The following MAML2 variants were observed in gnomAD, a reference collection of about 807,000 sequenced individuals.
MAML2 encodes mastermind like transcriptional coactivator 2, also known as mastermind-like protein 2.
In MAML2, 22 loss-of-function variants were observed where a neutral mutation model predicts 96.1. The observed-to-expected ratio is 0.23, with a 90% CI of 0.16 to 0.33. MAML2 has a LOEUF of 0.33. MAML2 is among the 10% of genes least tolerant of loss of function. The pLI, the probability that MAML2 is intolerant of heterozygous loss-of-function variation, is 1.00. For synonymous variants in MAML2, 561 were observed against 521.3 expected (o/e 1.08, Z -1.04); for missense variants, 1,367 against 1,392.4 (o/e 0.98, Z 0.29).
chr11:96,169,785 G>C (rs1458545551), intron 1 of MAML2, among the ~76,000 whole-genome samples: 1 of 151,920 alleles, frequency 6.6e-6, no homozygotes, highest in Non-Finnish European at 1.5e-5. Context: ...CTCCTGAGTA[G>C]CTGGGACTAC....
In MAML2 at chr11:96,342,640, C is replaced by T. The variant is rs1016733803; in HGVS notation, c.-745G>A. ...CTCCCAAAAGAGGGAGACAGCTTTT[C>T]AACTGTTAACAATGTCAGTAATTGG... On this transcript the variant is annotated 5_prime_UTR_variant, in exon 1 of 5. Transcript: ENST00000524717. 2.1e-5 allele frequency: 8 copies of T among 384,866 alleles called. No individual in the cohort carries two copies. Among genetic ancestry groups the T allele is most frequent in the Non-Finnish European group, 3.2e-5 (7 of 218,094 alleles). 23.8% of individuals were successfully genotyped at this position (384,866 alleles called of 1,614,324 possible). A position where few individuals can be genotyped will look rare whatever the true frequency, so the allele number is the denominator to read the frequency against.
intron 1 of MAML2, among the ~76,000 whole-genome samples, chr11:96,226,399 T>A (rs2135950929): frequency 6.6e-6 from 1 of 152,294 alleles, no homozygotes; most frequent in South Asian, 2.1e-4. Flanking sequence ...CTCTCACACA[T>A]AAGAGCAATC....
intron 1 of MAML2, among the ~76,000 whole-genome samples, chr11:96,217,886 A>C (rs538102698): frequency 6.6e-6 from 1 of 152,344 alleles, no homozygotes; most frequent in South Asian, 2.1e-4. Flanking sequence ...CGACAATTTT[A>C]GTGATTATGA....
chr11:96,246,156 A>T (rs937063199), intron 1 of MAML2, among the ~76,000 whole-genome samples: 1 of 152,126 alleles, frequency 6.6e-6, no homozygotes, highest in African/African-American at 2.4e-5. Context: ...AGGTAAATAC[A>T]TCCTAAGAAC....
At chr11:96,016,183 G>A (rs1858349488) in intron 2 of MAML2, among the ~76,000 whole-genome samples, 1 of 141,320 alleles carries the variant, frequency 7.1e-6, no homozygotes, top group African/African-American at 2.6e-5. Flanking sequence ...TTGGTTCAGT[G>A]AACTGTCCTC....
chr11:96,159,230 G>A (rs1861058832), intron 1 of MAML2, among the ~76,000 whole-genome samples: 1 of 152,082 alleles, frequency 6.6e-6, no homozygotes, highest in South Asian at 2.1e-4. Context: ...TTTCTAAAAT[G>A]TAAAGCTTAC....
intron 2 of MAML2, among the ~76,000 whole-genome samples, chr11:96,032,939 T>A (rs996417114): frequency 6.6e-6 from 1 of 152,192 alleles, no homozygotes; most frequent in Non-Finnish European, 1.5e-5. Flanking sequence ...AAAATTCTAT[T>A]AATAGATTGT....
intron 2 of MAML2, among the ~76,000 whole-genome samples, chr11:96,061,238 C>G (rs985907745): frequency 1.3e-5 from 2 of 152,142 alleles, no homozygotes; most frequent in African/African-American, 4.8e-5. Context: ...AGCAAAATGA[C>G]AGTTATTCTT....
intron 1 of MAML2, among the ~76,000 whole-genome samples, chr11:96,286,591 T>G (rs1275005870): frequency 6.6e-6 from 1 of 151,914 alleles, no homozygotes; most frequent in Non-Finnish European, 1.5e-5. Flanking sequence ...ATATAGTGGG[T>G]TTTCAATAAA....
chr11:96,252,485 G>C (rs192274797), intron 1 of MAML2, among the ~76,000 whole-genome samples: 1 of 146,798 alleles, frequency 6.8e-6, no homozygotes, highest in Non-Finnish European at 1.5e-5. Flanking sequence ...GAGTGCAGTG[G>C]AGCGATCTCT....
chr11:96,218,696 A>G (rs1862086144), intron 1 of MAML2, among the ~76,000 whole-genome samples: 1 of 152,174 alleles, frequency 6.6e-6, no homozygotes, highest in Non-Finnish European at 1.5e-5. Flanking sequence ...GTATGCCAAA[A>G]AATTCAAATC....
chr11:96,020,672 C>A (rs1285738710), intron 2 of MAML2, among the ~76,000 whole-genome samples: 1 of 152,168 alleles, frequency 6.6e-6, no homozygotes. Flanking sequence ...CTACTGTGAG[C>A]TAAGGTGGTA....
chr11:96,249,029 T>C (rs1170363271), intron 1 of MAML2, among the ~76,000 whole-genome samples: 1 of 152,230 alleles, frequency 6.6e-6, no homozygotes, highest in Non-Finnish European at 1.5e-5. Flanking sequence ...AGAGCCAGTT[T>C]ACCAGGACAC....
chr11:96,279,005 A>G (rs1723952747), intron 1 of MAML2, among the ~76,000 whole-genome samples: 1 of 152,280 alleles, frequency 6.6e-6, no homozygotes, highest in South Asian at 2.1e-4. Flanking sequence ...ACAATGTAGG[A>G]ACTGGGTGAT....
intron 1 of MAML2, among the ~76,000 whole-genome samples, chr11:96,275,745 AT>A (rs1862980382): frequency 6.6e-6 from 1 of 152,224 alleles, no homozygotes; most frequent in African/African-American, 2.4e-5. Flanking sequence ...ATAATAGCAC[AT>A]ATAAAAATAT....
intron 2 of MAML2, among the ~76,000 whole-genome samples, chr11:96,029,163 G>A (rs1383845804): frequency 1.1e-5 from 1 of 88,438 alleles, no homozygotes; most frequent in Admixed American, 1.0e-4. Context: ...AGAGTGAAAC[G>A]GTTTTTTTTT....
chr11:95,990,477 C>T (rs562348834), intron 3 of MAML2, among the ~76,000 whole-genome samples: 1 of 152,290 alleles, frequency 6.6e-6, no homozygotes, highest in African/African-American at 2.4e-5. Flanking sequence ...TCTTACTCCA[C>T]TTTCAGATAT....
intron 2 of MAML2, among the ~76,000 whole-genome samples, chr11:96,046,352 G>T (rs183953277): frequency 1.9e-4 from 28 of 149,196 alleles, no homozygotes; most frequent in African/African-American, 5.7e-4. Flanking sequence ...TTTGTTGTTG[G>T]TTTTTTTTTT....
intron 2 of MAML2, among the ~76,000 whole-genome samples, chr11:96,064,033 G>A (rs1213359914): frequency 2.0e-5 from 3 of 152,158 alleles, no homozygotes; most frequent in Admixed American, 6.5e-5. Flanking sequence ...CTCCTGATTG[G>A]CTGGCTGTAG....
Sources: gnomAD v4.1 joint callset for allele counts (sites outside exome capture counted in the v4.1 genomes callset) on GRCh38, gnomAD v4.1.1 for gene constraint, MANE v1.5 for transcripts, NCBI Gene and HGNC (gene_info 2026-07-23, HGNC 2026-07-21) for gene names.